Variants in RNF128 observed in about 807,000 individuals in gnomAD.
RNF128 encodes the protein E3 ubiquitin-protein ligase RNF128.
In RNF128, 13 loss-of-function variants were observed where a neutral mutation model predicts 26.2. The observed-to-expected ratio is 0.50, with a 90% CI of 0.32 to 0.79. The LOEUF is 0.79. RNF128 is among the 30% of genes least tolerant of loss of function. RNF128 has a pLI of 0.03. For missense variants in RNF128, 315 were observed against 349.7 expected (o/e 0.90, Z 0.79); for synonymous variants, 149 against 142.5 (o/e 1.05, Z -0.32).
intron 1 of RNF128, among the ~76,000 whole-genome samples, chrX:106,729,498 G>C (rs185923987): frequency 3.9e-4 from 44 of 111,442 alleles, no homozygotes; most frequent in African/African-American, 1.4e-3. Flanking sequence ...ATGTACAAAT[G>C]TATGATTGTG....
chrX:106,786,045 G>A (rs773908362), intron 3 of RNF128, among the ~76,000 whole-genome samples: 2 of 111,745 alleles, frequency 1.8e-5, no homozygotes, highest in Admixed American at 9.6e-5. Context: ...AAATCCTAGT[G>A]TAAATCTTTT....
chrX:106,725,814 T>A (rs1418788121), upstream of RNF128, among the ~76,000 whole-genome samples: 3 of 112,964 alleles, frequency 2.7e-5, no homozygotes, highest in East Asian at 8.3e-4. Context: ...ACAGCAGGTA[T>A]ATTAATTCAG....
At chrX:106,785,911 G>A (rs1930649571) in intron 3 of RNF128, among the ~76,000 whole-genome samples, 1 of 111,780 alleles carries the variant, frequency 8.9e-6, no homozygotes, top group South Asian at 3.7e-4. Flanking sequence ...TAATGAAAGA[G>A]ATAAATCAAA....
At chrX:106,765,939 A>G (rs753858324) in intron 1 of RNF128, among the ~76,000 whole-genome samples, 47 of 100,951 alleles carry the variant, frequency 4.7e-4, no homozygotes, top group African/African-American at 1.5e-3. Flanking sequence ...TCATTGTTCA[A>G]TTCCCACCTA....
intron 1 of RNF128, among the ~76,000 whole-genome samples, chrX:106,717,956 C>T (rs146564133): frequency 0.013 from 1,433 of 111,865 alleles, 22 homozygotes; most frequent in African/African-American, 0.045. Flanking sequence ...CTTTAGTAGA[C>T]TACTCTTAAG....
At chrX:106,701,975 A>C (rs1188181171) in intron 1 of RNF128, among the ~76,000 whole-genome samples, 1 of 111,150 alleles carries the variant, frequency 9.0e-6, no homozygotes, top group Admixed American at 9.5e-5. Context: ...CGCCTGGAAA[A>C]TAACTCAGCT....
chrX:106,702,274 G>C (rs1008092629), intron 1 of RNF128, among the ~76,000 whole-genome samples: 4 of 111,212 alleles, frequency 3.6e-5, no homozygotes, highest in African/African-American at 1.3e-4. Context: ...TAAAATCAAA[G>C]AACATTTTGA....
intron 2 of RNF128, among the ~76,000 whole-genome samples, chrX:106,776,905 A>C (rs1412034823): frequency 2.7e-5 from 3 of 111,775 alleles, no homozygotes; most frequent in African/African-American, 9.7e-5. Flanking sequence ...ATAAGTTGAG[A>C]CAAATGATTG....
At chrX:106,746,137 T>G (rs1273189085) in intron 1 of RNF128, among the ~76,000 whole-genome samples, 1 of 111,328 alleles carries the variant, frequency 9.0e-6, no homozygotes, top group East Asian at 2.8e-4. Context: ...TCAGGATGTT[T>G]GGACAGTATT....
At chrX:106,788,347 A>AG (rs1930699521) in intron 4 of RNF128, among the ~76,000 whole-genome samples, 1 of 52,844 alleles carries the variant, frequency 1.9e-5, no homozygotes, top group African/African-American at 8.2e-5. Context: ...TATATAATAT[A>AG]TATTATATAC....
intron 1 of RNF128, among the ~76,000 whole-genome samples, chrX:106,769,141 G>A (rs1216196751): frequency 1.8e-5 from 2 of 111,669 alleles, no homozygotes; most frequent in South Asian, 3.7e-4. Flanking sequence ...CAACTATGTC[G>A]TCCATTTTGG....
intron 1 of RNF128, among the ~76,000 whole-genome samples, chrX:106,747,857 C>A (rs1929815370): frequency 8.9e-6 from 1 of 111,997 alleles, no homozygotes; most frequent in African/African-American, 3.2e-5. Context: ...GGATCATATT[C>A]TTCCTAGTGA....
intron 6 of RNF128, among the ~76,000 whole-genome samples, chrX:106,791,972 T>C (rs1417530316): frequency 1.8e-5 from 2 of 111,105 alleles, no homozygotes; most frequent in Non-Finnish European, 3.8e-5. Flanking sequence ...AGTATAAAAG[T>C]AAAACAAAAA....
intron 1 of RNF128, among the ~76,000 whole-genome samples, chrX:106,719,292 T>C (rs1306768313): frequency 9.1e-6 from 1 of 110,060 alleles, no homozygotes; most frequent in African/African-American, 3.3e-5. Flanking sequence ...TGATCTCAAC[T>C]CACTTCAACC....
At chrX:106,775,272 A>C (rs1302575506) in intron 2 of RNF128, among the ~76,000 whole-genome samples, 1 of 112,194 alleles carries the variant, frequency 8.9e-6, no homozygotes, top group Non-Finnish European at 1.9e-5. Flanking sequence ...TTATAGTTAC[A>C]ATGACAAGAG....
intron 1 of RNF128, among the ~76,000 whole-genome samples, chrX:106,772,666 G>A (rs774186514): frequency 8.1e-5 from 9 of 111,128 alleles, no homozygotes; most frequent in African/African-American, 2.9e-4. Flanking sequence ...TGAGGAGGGG[G>A]AGGTGTTTGT....
At chrX:106,704,433 GAAAA>G (rs55870405) in intron 1 of RNF128, among the ~76,000 whole-genome samples, 40 of 49,452 alleles carry the variant, frequency 8.1e-4, no homozygotes, top group African/African-American at 2.7e-3. Context: ...CTCTGTCTCA[GAAAA>G]AAAAAAAAAA....
At chrX:106,785,952 T>C (rs1166218033) in intron 3 of RNF128, among the ~76,000 whole-genome samples, 1 of 111,849 alleles carries the variant, frequency 8.9e-6, no homozygotes, top group African/African-American at 3.2e-5. Context: ...ACATATACCA[T>C]GTTCATGGGT....
At chrX:106,695,984 C>G (rs1928868032) in intron 1 of RNF128, among the ~76,000 whole-genome samples, 1 of 111,551 alleles carries the variant, frequency 9.0e-6, no homozygotes, top group Non-Finnish European at 1.9e-5. Context: ...CACAGTAAAT[C>G]TCTCCAAAAG....
Sources: allele counts gnomAD v4.1 joint callset (sites outside exome capture counted in the v4.1 genomes callset), GRCh38; gene constraint gnomAD v4.1.1; transcripts MANE v1.5; gene names NCBI Gene and HGNC (gene_info 2026-07-23, HGNC 2026-07-21).